COP1: variants seen among roughly 807,000 people sequenced by gnomAD.
The protein encoded by COP1 is E3 ubiquitin-protein ligase COP1.
Under a neutral mutation model 101.3 loss-of-function variants are expected in COP1, and 24 were observed. The observed-to-expected ratio is 0.24, with a 90% CI of 0.17 to 0.33. COP1 has a LOEUF of 0.33. Ranked by LOEUF, COP1 falls within the 10% of genes least tolerant of loss-of-function variation. The pLI is 1.00. For synonymous variants in COP1, 347 were observed against 341.9 expected (o/e 1.01, Z -0.17); for missense variants, 663 against 906.2 (o/e 0.73, Z 3.45).
chr1:176,094,687 A>G (rs74985738), intron 9 of COP1, among the ~76,000 whole-genome samples: 1 of 151,588 alleles, frequency 6.6e-6, no homozygotes. Context: ...AAAAAAAAAA[A>G]GTCCTCAAAT....
At chr1:176,049,825 T>C (rs1282884911) in intron 11 of COP1, among the ~76,000 whole-genome samples, 10 of 152,192 alleles carry the variant, frequency 6.6e-5, no homozygotes, top group African/African-American at 2.4e-4. Flanking sequence ...AACAGTATGA[T>C]ATTTCAACTA....
chr1:175,951,062 A>G (rs996076518), intron 18 of COP1, among the ~76,000 whole-genome samples: 2 of 152,056 alleles, frequency 1.3e-5, no homozygotes, highest in Non-Finnish European at 1.5e-5. Context: ...CCTGACCAAC[A>G]TGGAGAAACC....
rs149014355 is a variant in COP1 at position 176,072,659 on chromosome 1, T to G, written c.1277+8493A>C. Among the ~76,000 whole-genome samples the G allele has an allele frequency of 2.6e-3, 400 of 152,270 alleles. 3 individuals are homozygous for G. The highest frequency in any genetic ancestry group is 9.2e-3 in the African/African-American group (382 of 41,560). On this transcript the variant is annotated intron_variant, in intron 11 of 19. Transcript: ENST00000367669. ...TAGAGATGTCTTTTTAAGTATAAAT[T>G]TAAAGCTCACAAGCACTCTACAATA...
intron 15 of COP1, among the ~76,000 whole-genome samples, chr1:176,011,013 A>T (rs1664562395): frequency 6.6e-6 from 1 of 152,212 alleles, no homozygotes; most frequent in East Asian, 1.9e-4. Context: ...GAACAGTGAA[A>T]AGAGAACTTT....
chr1:175,984,414 T>A (rs1335673982), intron 18 of COP1, among the ~76,000 whole-genome samples: 1 of 152,166 alleles, frequency 6.6e-6, no homozygotes, highest in Non-Finnish European at 1.5e-5. Context: ...TTGGAAACCT[T>A]TGCCTAGATT....
At chr1:176,118,483 C>A (rs1048946209) in intron 8 of COP1, among the ~76,000 whole-genome samples, 12 of 152,066 alleles carry the variant, frequency 7.9e-5, no homozygotes, top group Admixed American at 4.6e-4. Flanking sequence ...CTAGAAGAGG[C>A]CAGGCATGGT....
chr1:176,078,485 C>T (rs948811670), intron 11 of COP1, among the ~76,000 whole-genome samples: 3 of 151,940 alleles, frequency 2.0e-5, no homozygotes, highest in African/African-American at 7.2e-5. Flanking sequence ...TCACCATATA[C>T]AATAACTCAA....
intron 18 of COP1, among the ~76,000 whole-genome samples, chr1:175,983,987 G>A (rs1410261096): frequency 2.6e-5 from 4 of 152,176 alleles, no homozygotes; most frequent in African/African-American, 9.7e-5. Flanking sequence ...AAGGGAAACA[G>A]AGCATCAAAG....
chr1:176,054,306 C>T lies in COP1; in HGVS notation c.1278-7982G>A, dbSNP rs12124301. Among the ~76,000 whole-genome samples, 1,428 of 151,880 alleles carry T rather than the reference C, an allele frequency of 9.4e-3. 7 individuals are homozygous for T. Among genetic ancestry groups the T allele is most frequent in the Non-Finnish European group, 0.016 (1,056 of 67,934 alleles). The stretch of plus-strand genomic sequence containing the variant: ...CCTCCCAAGTAGCTGGGATTACAGG[C>T]GTGCACCACCATGCCCAGCTAATTT... On this transcript the variant is annotated intron_variant, in intron 11 of 19. Transcript: ENST00000367669.
At chr1:175,963,462 C>T (rs551277018) in intron 18 of COP1, among the ~76,000 whole-genome samples, 6 of 152,086 alleles carry the variant, frequency 3.9e-5, no homozygotes, top group Admixed American at 6.6e-5. Context: ...ACAGCCAGCC[C>T]GACCTGGGTT....
chr1:176,188,732 C>T (rs1698767443), intron 1 of COP1, among the ~76,000 whole-genome samples: 1 of 152,012 alleles, frequency 6.6e-6, no homozygotes, highest in African/African-American at 2.4e-5. Flanking sequence ...TATTAGATGG[C>T]AAACCTCACT....
At chr1:176,116,135 T>C (rs1686148357) in intron 9 of COP1, among the ~76,000 whole-genome samples, 1 of 152,086 alleles carries the variant, frequency 6.6e-6, no homozygotes, top group South Asian at 2.1e-4. Context: ...CCTACCACTG[T>C]GGGAGGGTGA....
intron 10 of COP1, among the ~76,000 whole-genome samples, chr1:176,082,810 A>T (rs1429534413): frequency 2.0e-5 from 3 of 151,364 alleles, no homozygotes; most frequent in Admixed American, 2.0e-4. Flanking sequence ...CATCTCAAAA[A>T]AAAAAGAAAA....
intron 5 of COP1, among the ~76,000 whole-genome samples, chr1:176,152,327 A>G (rs1355522187): frequency 1.3e-5 from 2 of 152,220 alleles, no homozygotes; most frequent in Non-Finnish European, 2.9e-5. Context: ...AAAAATTGAA[A>G]AGATTCCTTC....
At position 176,079,167 on chromosome 1, in the gene COP1, T is replaced by A. The variant is rs145513516; in HGVS notation, c.1277+1985A>T. Among the ~76,000 whole-genome samples the A allele has an allele frequency of 2.6e-3, 399 of 152,140 alleles. 3 individuals are homozygous for A. Among genetic ancestry groups the A allele is most frequent in the African/African-American group, 9.2e-3 (382 of 41,520 alleles). On this transcript the variant is annotated intron_variant, in intron 11 of 19. Coordinates refer to ENST00000367669, the MANE Select transcript of COP1 (RefSeq NM_022457.7). ...CGCACAAAAGAAAGTAAGTTGTTCT[T>A]CCATAAAGACACATGCACTGGTATG...
intron 15 of COP1, among the ~76,000 whole-genome samples, chr1:175,992,083 AT>A (rs568530173): frequency 3.9e-5 from 6 of 152,038 alleles, no homozygotes; most frequent in African/African-American, 9.7e-5. Context: ...AACATTTTTA[AT>A]TTTTTTTGAG....
chr1:176,003,295 T>C (rs1258196665), intron 15 of COP1, among the ~76,000 whole-genome samples: 4 of 152,200 alleles, frequency 2.6e-5, no homozygotes, highest in Non-Finnish European at 1.5e-5. Context: ...TCCCATTCTG[T>C]AGGTTGCCTG....
chr1:176,207,109 C>T lies in COP1; in HGVS notation c.-131G>A, dbSNP rs1339665603. ...CCGAGCCGGAGGTGGGGCTGAGGAA[C>T]AATAAAGTTGCGTTTTTTTTTAAGG... is the stretch of plus-strand genomic sequence containing the variant. On this transcript the variant is annotated 5_prime_UTR_variant, in exon 1 of 20. Coordinates refer to ENST00000367669, the MANE Select transcript of COP1 (RefSeq NM_022457.7). The T allele has an allele frequency of 1.4e-6, 1 of 695,352 alleles. No homozygotes were observed. The highest frequency in any genetic ancestry group is 2.1e-6 in the Non-Finnish European group (1 of 477,268). The allele number at this position is 695,352 out of a possible 1,614,324, so 43.1% of individuals were successfully genotyped here.
At chr1:176,170,392 CA>C (rs1239478322) in intron 3 of COP1, among the ~76,000 whole-genome samples, 44 of 152,276 alleles carry the variant, frequency 2.9e-4, no homozygotes, top group Non-Finnish European at 2.5e-4. Flanking sequence ...ACCTGAAAGT[CA>C]AAATTACTCC....
Sources: allele counts gnomAD v4.1 joint callset (sites outside exome capture counted in the v4.1 genomes callset), GRCh38; gene constraint gnomAD v4.1.1; transcripts MANE v1.5; gene names NCBI Gene and HGNC (gene_info 2026-07-23, HGNC 2026-07-21).